RP1: variants seen among roughly 807,000 people sequenced by gnomAD.
The protein encoded by RP1 is oxygen-regulated protein 1.
In RP1, 16 loss-of-function variants were observed where a neutral mutation model predicts 14.8. That is an observed-to-expected ratio of 1.08 (90% CI 0.73 to 1.65). The LOEUF (loss-of-function observed/expected upper bound fraction) is 1.65. Among genes scored for constraint, RP1 ranks in the 40% most tolerant of loss-of-function variants. RP1 has a pLI of 0.00. For missense variants in RP1, 2,631 were observed against 2,535.0 expected (o/e 1.04, Z -0.81); for synonymous variants, 876 against 883.6 (o/e 0.99, Z 0.15).
downstream of RP1, among the ~76,000 whole-genome samples, chr8:54,773,247 T>G (rs1809951738): frequency 6.6e-6 from 1 of 152,186 alleles, no homozygotes; most frequent in Admixed American, 6.5e-5. Context: ...GTGGATAATT[T>G]TTCTTACTTC....
downstream of RP1, among the ~76,000 whole-genome samples, chr8:54,634,935 A>C (rs929979122): frequency 6.6e-6 from 1 of 152,096 alleles, no homozygotes; most frequent in Non-Finnish European, 1.5e-5. Context: ...CAAAAAAATT[A>C]GCCAGGTTTG....
chr8:54,708,377 G>A (rs921401013), intron 15 of RP1, among the ~76,000 whole-genome samples: 5 of 145,576 alleles, frequency 3.4e-5, no homozygotes, highest in African/African-American at 1.3e-4. Context: ...TCTTTTTTGA[G>A]ACATAGTCTC....
At chr8:54,856,343 T>A (rs1000440386) in intron 26 of RP1, among the ~76,000 whole-genome samples, 1 of 152,204 alleles carries the variant, frequency 6.6e-6, no homozygotes. Flanking sequence ...TAAGGCTCTG[T>A]TACTTACATG....
chr8:54,584,230 C>T (rs1414226467), intron 1 of RP1, among the ~76,000 whole-genome samples: 1 of 152,162 alleles, frequency 6.6e-6, no homozygotes, highest in Non-Finnish European at 1.5e-5. Context: ...CAAAGAACAT[C>T]TTTATTTCTG....
chr8:54,610,194 C>T (rs1003350019), intron 1 of RP1, among the ~76,000 whole-genome samples: 1 of 152,168 alleles, frequency 6.6e-6, no homozygotes, highest in Non-Finnish European at 1.5e-5. Context: ...GTATGAGTAC[C>T]ATTTGACACA....
At chr8:54,808,000 C>A (rs1264006261) in intron 24 of RP1, among the ~76,000 whole-genome samples, 1 of 151,824 alleles carries the variant, frequency 6.6e-6, no homozygotes, top group Non-Finnish European at 1.5e-5. Context: ...AACACCTTCT[C>A]AGGAACACTT....
intron 5 of RP1, among the ~76,000 whole-genome samples, chr8:54,655,396 A>G (rs1806733763): frequency 6.6e-6 from 1 of 152,172 alleles, no homozygotes; most frequent in South Asian, 2.1e-4. Flanking sequence ...CATATTTTTC[A>G]GTTCCTACCA....
chr8:54,841,524 G>T (rs1269655818), intron 25 of RP1, among the ~76,000 whole-genome samples: 1 of 152,190 alleles, frequency 6.6e-6, no homozygotes, highest in Non-Finnish European at 1.5e-5. Context: ...CAAAAGAAAA[G>T]TGTTTTGAGA....
intron 19 of RP1, among the ~76,000 whole-genome samples, chr8:54,750,265 G>A (rs1217579686): frequency 2.0e-5 from 3 of 151,966 alleles, no homozygotes; most frequent in Non-Finnish European, 4.4e-5. Flanking sequence ...GAGCACTCAG[G>A]GTATACCTGA....
At chr8:54,754,668 C>A in intron 19 of RP1, 1 of 875,700 alleles carries the variant, frequency 1.1e-6, no homozygotes, top group Non-Finnish European at 1.5e-6. Context: ...ACTACTACTA[C>A]TAACAACCAT....
At chr8:54,726,587 A>G (rs1363494628) in intron 17 of RP1, 4 of 1,096,598 alleles carry the variant, frequency 3.6e-6, no homozygotes, top group Non-Finnish European at 4.9e-6. Context: ...ATTATGTTAT[A>G]CCACATGGAC....
chr8:54,815,078 G>T (rs1437852258), intron 24 of RP1, among the ~76,000 whole-genome samples: 1 of 152,226 alleles, frequency 6.6e-6, no homozygotes, highest in Non-Finnish European at 1.5e-5. Context: ...AGTGGTTTAA[G>T]AACTAATTTC....
intron 1 of RP1, among the ~76,000 whole-genome samples, chr8:54,599,997 G>T (rs1805237427): frequency 1.3e-5 from 2 of 152,068 alleles, no homozygotes; most frequent in African/African-American, 4.8e-5. Flanking sequence ...TCCTGAGGAG[G>T]GGTACACCTT....
chr8:54,754,904 T>A lies in RP1; in HGVS notation c.2910T>A (p.Pro970=), dbSNP rs574337412. 7.3e-5 allele frequency: 111 copies of A among 1,527,882 alleles called. No homozygotes were observed. In the South Asian group the frequency reaches 1.2e-3, roughly 17 times the overall value. 94.6% of individuals were successfully genotyped at this position (1,527,882 alleles called of 1,614,324 possible). A position where few individuals can be genotyped will look rare whatever the true frequency, so the allele number is the denominator to read the frequency against. ...ATGGGGATGTTGTCTGTGAGCTTCC[T>A]GTAGTAAAAGGAGGACAAGCTATTT... Residue 970 remains proline, a synonymous_variant, in exon 20 of 23, where the codon CCT becomes CCA. Coordinates refer to the RP1 transcript ENST00000636932.
At chr8:54,682,315 T>G (rs1807455558) in intron 12 of RP1, among the ~76,000 whole-genome samples, 2 of 152,038 alleles carry the variant, frequency 1.3e-5, no homozygotes, top group Non-Finnish European at 1.5e-5. Flanking sequence ...TAGGTATACA[T>G]GTGCCTTGGT....
intron 24 of RP1, among the ~76,000 whole-genome samples, chr8:54,794,780 T>TA (rs1398267839): frequency 1.7e-4 from 26 of 151,662 alleles, no homozygotes; most frequent in Admixed American, 3.3e-4. Context: ...ATCAGCAAAA[T>TA]AAAAAGGCAA....
chr8:54,728,343 C>T (rs996760047), intron 17 of RP1, among the ~76,000 whole-genome samples: 2 of 152,052 alleles, frequency 1.3e-5, no homozygotes, highest in African/African-American at 2.4e-5. Flanking sequence ...TGGTTTTGCA[C>T]CTTAGCTGTC....
At chr8:54,670,693 ATATAT>A in intron 7 of RP1, among the ~76,000 whole-genome samples, 1 of 138,608 alleles carries the variant, frequency 7.2e-6, no homozygotes, top group Non-Finnish European at 1.5e-5. Context: ...ATATATATAT[ATATAT>A]ATATATATAA....
At chr8:54,796,044 T>G (rs1314086647) in intron 24 of RP1, among the ~76,000 whole-genome samples, 1 of 152,158 alleles carries the variant, frequency 6.6e-6, no homozygotes, top group African/African-American at 2.4e-5. Context: ...AGATTCTGAT[T>G]CTTCTTCAGC....
Sources: allele counts gnomAD v4.1 joint callset (sites outside exome capture counted in the v4.1 genomes callset), GRCh38; gene constraint gnomAD v4.1.1; transcripts MANE v1.5; gene names NCBI Gene and HGNC (gene_info 2026-07-23, HGNC 2026-07-21).